The following SEMA4D variants were observed in gnomAD, a reference collection of about 807,000 sequenced individuals.
The protein encoded by SEMA4D is semaphorin 4D.
In SEMA4D, 22 loss-of-function variants were observed where a neutral mutation model predicts 74.8. The ratio of observed to expected loss-of-function variants is 0.29; its 90% CI spans 0.21 to 0.42. The LOEUF is 0.42. SEMA4D is among the 10% of genes least tolerant of loss of function. The pLI is 1.00. For synonymous variants in SEMA4D, 445 were observed against 463.7 expected, an observed-to-expected ratio of 0.96 and a Z score of 0.52; for missense variants, 937 against 1,118.4, an observed-to-expected ratio of 0.84 and a Z score of 2.31.
chr9:89,423,202 T>C (rs1847332152), intron 2 of SEMA4D, among the ~76,000 whole-genome samples: 1 of 151,910 alleles, frequency 6.6e-6, no homozygotes, highest in Non-Finnish European at 1.5e-5. Context: ...TTTTTTTTTT[T>C]TAAATTGAGA....
At chr9:89,490,458 C>T (rs1330698704) in intron 1 of SEMA4D, among the ~76,000 whole-genome samples, 4 of 152,128 alleles carry the variant, frequency 2.6e-5, no homozygotes, top group Admixed American at 2.6e-4. Context: ...CCAGTAGAAA[C>T]GGTACTGCGA....
At chr9:89,388,615 G>T in intron 11 of SEMA4D, 21 bp downstream of exon 11, 1 of 1,584,678 alleles carries the variant, frequency 6.3e-7, no homozygotes. Flanking sequence ...AGCACGGCCC[G>T]CCCCCAGTGC....
chr9:89,463,416 G>C lies in SEMA4D; in HGVS notation c.-309-7463C>G, dbSNP rs549117466. 6.6e-5 allele frequency among the ~76,000 whole-genome samples: 10 copies of C among 152,286 alleles called. No homozygotes were observed. In the South Asian group the frequency reaches 2.1e-3, roughly 32 times the overall value. On this transcript the variant is annotated intron_variant, in intron 1 of 15. Transcript: ENST00000422704. The stretch of plus-strand genomic sequence containing the variant: ...TTGCATGATCCATCTGGTCCTCTTC[G>C]TAGACAGGGGTCCATTCCCAGGTGC...
At chr9:89,372,717 G>A (rs770890546), downstream of SEMA4D, among the ~76,000 whole-genome samples, 2 of 152,016 alleles carry the variant, frequency 1.3e-5, no homozygotes, top group Non-Finnish European at 2.9e-5. Context: ...CCAAGGCAGT[G>A]CAGTCCTGAC....
intron 2 of SEMA4D, among the ~76,000 whole-genome samples, chr9:89,448,685 C>T (rs1319222217): frequency 1.3e-5 from 2 of 152,238 alleles, no homozygotes; most frequent in Admixed American, 1.3e-4. Context: ...AATGAAAGGG[C>T]TTGTTTCACG....
chr9:89,378,765 T>A lies in SEMA4D; in HGVS notation c.2528A>T (p.Asp843Val). The A allele has an allele frequency of 6.2e-7, 1 of 1,614,182 alleles. No homozygotes were observed. Among genetic ancestry groups the A allele is most frequent in the Non-Finnish European group, 8.5e-7 (1 of 1,180,038 alleles). Residue 843 changes from aspartate to valine, a missense_variant, in exon 16 of 16, where the codon GAC becomes GTC. By Grantham distance (152) the Asp-to-Val change is radical. Transcript: ENST00000422704. ...CTCACACTTGACGTCAAAGGGCTTGTCCCTGGCAGAAAGGTCGTCGATCCT... is the reference window on the plus strand; with the variant it reads ...CTCACACTTGACGTCAAAGGGCTTGACCCTGGCAGAAAGGTCGTCGATCCT... ...SQRIDDLSAR[D>V]KPFDVKCELK... is the part of the protein sequence containing the mutation.
rs776802095 is a variant in SEMA4D at position 89,387,526 on chromosome 9, T to C, written c.1190A>G (p.His397Arg). 5 of 1,614,176 alleles carry C rather than the reference T, an allele frequency of 3.1e-6. No individual in the cohort carries two copies. The highest frequency in any genetic ancestry group is 4.2e-6 in the Non-Finnish European group (5 of 1,180,036). Residue 397 changes from histidine (H) to arginine (R), a missense_variant, in exon 12 of 16, where the codon CAC becomes CGC. Coordinates refer to ENST00000422704, the MANE Select transcript of SEMA4D (RefSeq NM_001371194.2). The part of the protein sequence containing the change: ...PDKTLQFVKD[H>R]PLMDDSVTPI... ...GGTTACCGAGTCATCCATCAAAGGG[T>C]GGTCTTTAACGAACTGCAGCGTCTT...
intron 3 of SEMA4D, 83 bp downstream of exon 3, chr9:89,405,268 G>A (rs750553873): frequency 1.3e-5 from 16 of 1,221,820 alleles, no homozygotes; most frequent in African/African-American, 4.5e-5. Flanking sequence ...TCCCTGTCCC[G>A]TCCCCAGCCA....
At chr9:89,391,756 G>A (rs1363245261) in intron 8 of SEMA4D, among the ~76,000 whole-genome samples, 2 of 152,228 alleles carry the variant, frequency 1.3e-5, no homozygotes, top group Admixed American at 6.5e-5. Flanking sequence ...AGAGACCTAC[G>A]TAAGGCATGC....
chr9:89,436,741 G>C (rs1050438280), intron 2 of SEMA4D, among the ~76,000 whole-genome samples: 8 of 152,348 alleles, frequency 5.3e-5, no homozygotes, highest in African/African-American at 1.9e-4. Context: ...GGAGGGTGTG[G>C]GGGGTTGCGG....
At chr9:89,482,131 C>A (rs1184602553) in intron 1 of SEMA4D, among the ~76,000 whole-genome samples, 1 of 152,188 alleles carries the variant, frequency 6.6e-6, no homozygotes, top group Non-Finnish European at 1.5e-5. Context: ...GGCAGCAAAG[C>A]CAGTTGAGGA....
At chr9:89,377,051 G>A (rs749246708), downstream of SEMA4D, 49 of 1,532,352 alleles carry the variant, frequency 3.2e-5, no homozygotes, top group South Asian at 5.9e-4. Context: ...AGGAGACGAG[G>A]CTGTGAGACA....
At position 89,484,742 on chromosome 9, in the gene SEMA4D, G is replaced by A. The variant is rs553511515; in HGVS notation, c.-310+13177C>T. Among the ~76,000 whole-genome samples the A allele has an allele frequency of 6.6e-6, 1 of 151,212 alleles. No individual in the cohort carries two copies. The highest frequency in any genetic ancestry group is 2.1e-4 in the South Asian group (1 of 4,766). The stretch of plus-strand genomic sequence containing the variant: ...GTGTTGTGTGTTATGTGTGTGTGGT[G>A]TGGCAGGTATGTGTGAAGTGTGTGG... On this transcript the variant is annotated intron_variant, in intron 1 of 15. Coordinates refer to ENST00000422704, the MANE Select transcript of SEMA4D (RefSeq NM_001371194.2). This position sits in a 1 kb window ranked among gnomAD's most constrained non-coding sequence, Gnocchi z 4.1.
chr9:89,438,986 TTTTTTTTTTTTTTA>T (rs1851104275), intron 2 of SEMA4D, among the ~76,000 whole-genome samples: 1 of 111,534 alleles, frequency 9.0e-6, no homozygotes, highest in Non-Finnish European at 2.0e-5. Flanking sequence ...TTTTTTTTTT[TTTTTTTTTTTTTTA>T]ACATGGAGTC....
At chr9:89,413,561 C>T (rs759510231) in intron 2 of SEMA4D, among the ~76,000 whole-genome samples, 1 of 152,220 alleles carries the variant, frequency 6.6e-6, no homozygotes, top group African/African-American at 2.4e-5. Context: ...TACATTTGTA[C>T]ACATCTGTAC....
intron 16 of SEMA4D, chr9:89,364,329 G>A: frequency 3.0e-6 from 1 of 335,902 alleles, no homozygotes. Context: ...GTGACCACAT[G>A]GACAGAGACA....
At chr9:89,491,059 CTG>C (rs34093395) in intron 1 of SEMA4D, among the ~76,000 whole-genome samples, 1 of 151,968 alleles carries the variant, frequency 6.6e-6, no homozygotes, top group African/African-American at 2.4e-5. Flanking sequence ...ACTCAGTTAG[CTG>C]TGTTTGAAGT....
exon 18 of SEMA4D, chr9:89,363,513 C>G: frequency 2.5e-6 from 4 of 1,614,100 alleles, no homozygotes; most frequent in Non-Finnish European, 3.4e-6. Flanking sequence ...GTCCACCTCT[C>G]CTGGTGGGTC....
At chr9:89,449,312 C>A (rs572463571) in intron 2 of SEMA4D, among the ~76,000 whole-genome samples, 3 of 152,236 alleles carry the variant, frequency 2.0e-5, no homozygotes, top group South Asian at 4.1e-4. Flanking sequence ...ACTACAGAGG[C>A]GGGGCCTGAG....
Sources: gnomAD v4.1 joint callset for allele counts (sites outside exome capture counted in the v4.1 genomes callset) on GRCh38, gnomAD v4.1.1 for gene constraint, Gnocchi (gnomAD v3.1) non-coding constraint, MANE v1.5 for transcripts, NCBI Gene and HGNC (gene_info 2026-07-23, HGNC 2026-07-21) for gene names.